Variants in OXR1 observed in about 807,000 individuals in gnomAD.
OXR1 encodes oxidation resistance 1, also known as oxidation resistance protein 1.
In OXR1, 41 loss-of-function variants were observed where a neutral mutation model predicts 104.6. The observed-to-expected ratio is 0.39, with a 90% CI of 0.31 to 0.51. The LOEUF (loss-of-function observed/expected upper bound fraction) is 0.51, where lower values mean the gene tolerates loss of function less well. OXR1 is among the 20% of genes least tolerant of loss of function. The pLI is 0.77. For missense variants in OXR1, 955 were observed against 1,031.9 expected, an observed-to-expected ratio of 0.93 and a Z score of 1.02; for synonymous variants, 348 against 348.4, an observed-to-expected ratio of 1.00 and a Z score of 0.01.
intron 2 of OXR1, among the ~76,000 whole-genome samples, chr8:106,413,761 T>C (rs1043497979): frequency 1.3e-5 from 2 of 151,410 alleles, no homozygotes; most frequent in Non-Finnish European, 2.9e-5. Flanking sequence ...TCTCAATCTG[T>C]CACCCAGGCT....
intron 3 of OXR1, among the ~76,000 whole-genome samples, chr8:106,649,940 C>T (rs889510548): frequency 1.3e-5 from 2 of 152,122 alleles, no homozygotes; most frequent in African/African-American, 4.8e-5. Flanking sequence ...TCATGATCCG[C>T]CCACCTTGGC....
intron 9 of OXR1, among the ~76,000 whole-genome samples, chr8:106,707,892 A>G (rs1831296347): frequency 1.3e-5 from 2 of 152,142 alleles, no homozygotes; most frequent in Non-Finnish European, 2.9e-5. Context: ...AAATTCAAAG[A>G]TTTTTGTTTT....
intron 2 of OXR1, among the ~76,000 whole-genome samples, chr8:106,363,600 T>G (rs1259615568): frequency 6.6e-6 from 1 of 152,074 alleles, no homozygotes; most frequent in Non-Finnish European, 1.5e-5. Flanking sequence ...TGTATGATAC[T>G]TTGCCATCTT....
chr8:106,327,657 AT>A (rs1454990532), intron 1 of OXR1, among the ~76,000 whole-genome samples: 1 of 152,148 alleles, frequency 6.6e-6, no homozygotes, highest in African/African-American at 2.4e-5. Context: ...GTGAAAAAAA[AT>A]CTCTTTTGGT....
chr8:106,379,875 A>G (rs1817069342), intron 2 of OXR1, among the ~76,000 whole-genome samples: 1 of 152,130 alleles, frequency 6.6e-6, no homozygotes, highest in Non-Finnish European at 1.5e-5. Context: ...AAAGTACTTG[A>G]AAAGGAATGT....
chr8:106,660,391 T>C (rs764621941), intron 3 of OXR1, among the ~76,000 whole-genome samples: 1 of 152,208 alleles, frequency 6.6e-6, no homozygotes, highest in Non-Finnish European at 1.5e-5. Flanking sequence ...TCTACTCTTA[T>C]TTCAGTTTCT....
chr8:106,740,275 CTGGCATTAGT>C (rs1430975344), intron 13 of OXR1, 58 bp from the exon 14 acceptor site: 10 of 1,181,890 alleles, frequency 8.5e-6, no homozygotes, highest in Non-Finnish European at 1.2e-5. Flanking sequence ...TACATTCCAG[CTGGCATTAGT>C]ATTCTACATA....
intron 6 of OXR1, among the ~76,000 whole-genome samples, chr8:106,689,083 C>T (rs1829030526): frequency 6.6e-6 from 1 of 152,002 alleles, no homozygotes; most frequent in Non-Finnish European, 1.5e-5. Flanking sequence ...CAAAGGGTGA[C>T]AAATTGGGTG....
intron 3 of OXR1, among the ~76,000 whole-genome samples, chr8:106,662,190 ATTG>A (rs1449630822): frequency 4.6e-5 from 7 of 152,188 alleles, no homozygotes; most frequent in African/African-American, 1.7e-4. Context: ...TTAGTTGCAA[ATTG>A]TTGTACTAGG....
intron 1 of OXR1, among the ~76,000 whole-genome samples, chr8:106,307,963 G>GACAC (rs372296719): frequency 6.7e-5 from 10 of 149,778 alleles, no homozygotes; most frequent in Admixed American, 2.0e-4. Context: ...AAACCAAAAG[G>GACAC]ACACACACAC....
chr8:106,326,219 C>G (rs931440445), intron 1 of OXR1, among the ~76,000 whole-genome samples: 1 of 152,164 alleles, frequency 6.6e-6, no homozygotes, highest in Non-Finnish European at 1.5e-5. Flanking sequence ...AAGAAGCATT[C>G]CCAAGGTAAA....
At chr8:106,622,258 T>C (rs1821765212) in intron 3 of OXR1, among the ~76,000 whole-genome samples, 1 of 152,058 alleles carries the variant, frequency 6.6e-6, no homozygotes, top group African/African-American at 2.4e-5. Context: ...AACACCATCA[T>C]CTTTTGACTG....
intron 3 of OXR1, among the ~76,000 whole-genome samples, chr8:106,533,703 T>C (rs904899134): frequency 6.8e-6 from 1 of 147,932 alleles, no homozygotes; most frequent in African/African-American, 2.4e-5. Flanking sequence ...AGGGCAGCAG[T>C]TGAGTTTACT....
intron 1 of OXR1, among the ~76,000 whole-genome samples, chr8:106,344,880 T>C (rs975058964): frequency 1.3e-5 from 2 of 152,232 alleles, no homozygotes; most frequent in Non-Finnish European, 2.9e-5. Flanking sequence ...AATTCTTTTG[T>C]GTCTTGACAA....
At chr8:106,390,815 C>T (rs1444805982) in intron 2 of OXR1, among the ~76,000 whole-genome samples, 1 of 151,728 alleles carries the variant, frequency 6.6e-6, no homozygotes, top group Non-Finnish European at 1.5e-5. Flanking sequence ...TATAGATTAC[C>T]CAAGTAGACT....
intron 2 of OXR1, among the ~76,000 whole-genome samples, chr8:106,501,465 AC>A: frequency 6.6e-6 from 1 of 152,200 alleles, no homozygotes; most frequent in East Asian, 1.9e-4. Context: ...CAATGGAGTG[AC>A]GGACACGATC....
chr8:106,618,705 G>T (rs930013274), intron 3 of OXR1, among the ~76,000 whole-genome samples: 1 of 152,080 alleles, frequency 6.6e-6, no homozygotes, highest in Non-Finnish European at 1.5e-5. Flanking sequence ...TCTCACTTTT[G>T]TCACCACTGT....
intron 7 of OXR1, among the ~76,000 whole-genome samples, chr8:106,694,695 GTTTATATATTTAATATATAAATATATT>G (rs1490895770): frequency 0.012 from 1,207 of 100,858 alleles, 29 homozygotes; most frequent in Non-Finnish European, 0.016. Flanking sequence ...ATAAATATAT[GTTTATATATTTAATATATAAATATATT>G]TTTATATATT....
At chr8:106,337,285 C>A (rs1383707868) in intron 1 of OXR1, among the ~76,000 whole-genome samples, 3 of 151,860 alleles carry the variant, frequency 2.0e-5, no homozygotes, top group Non-Finnish European at 4.4e-5. Flanking sequence ...GGCTTACTGA[C>A]TAAAATTAAA....
Sources: allele counts gnomAD v4.1 joint callset (sites outside exome capture counted in the v4.1 genomes callset), GRCh38; gene constraint gnomAD v4.1.1; transcripts MANE v1.5; gene names NCBI Gene and HGNC (gene_info 2026-07-23, HGNC 2026-07-21).